CABIN1: variants seen among roughly 807,000 people sequenced by gnomAD.
CABIN1 encodes calcineurin binding protein 1, also known as calcineurin-binding protein cabin-1.
Under a neutral mutation model 227.7 loss-of-function variants are expected in CABIN1, and 133 were observed. The observed-to-expected ratio is 0.58, with a 90% CI of 0.51 to 0.67. CABIN1 has a LOEUF of 0.67. Among genes scored for constraint, CABIN1 ranks in the 30% least tolerant of loss-of-function variants. The pLI is 0.00. For synonymous variants in CABIN1, 1,086 were observed against 1,155.1 expected (o/e 0.94, Z 1.21); for missense variants, 2,408 against 2,852.5 (o/e 0.84, Z 3.55).
At position 24,063,388 on chromosome 22, in the gene CABIN1, C is replaced by T. The variant is rs140455237; in HGVS notation, c.1884+242C>T. Among the ~76,000 whole-genome samples, 6 of 152,306 alleles carry T rather than the reference C, an allele frequency of 3.9e-5. No homozygotes were observed. The East Asian group carries it at 1.2e-3, about 29-fold the overall frequency. On this transcript the variant is annotated intron_variant, in intron 14 of 36. Coordinates refer to ENST00000263119, the MANE Select transcript of CABIN1 (RefSeq NM_012295.4). Reference sequence around the variant, plus strand: ...CAATCTGTAAAGCTCTTTAGCATAACCACAGAGCTCTGGAAGGCATTTGCT... The same window carrying T: ...CAATCTGTAAAGCTCTTTAGCATAATCACAGAGCTCTGGAAGGCATTTGCT...
intron 19 of CABIN1, among the ~76,000 whole-genome samples, chr22:24,077,036 G>A (rs1045849400): frequency 6.6e-6 from 1 of 152,232 alleles, no homozygotes; most frequent in South Asian, 2.1e-4. Context: ...GCAGAGTGCA[G>A]TAGCTGTGAT....
At chr22:24,109,362 C>T (rs563945772) in intron 26 of CABIN1, among the ~76,000 whole-genome samples, 7 of 151,552 alleles carry the variant, frequency 4.6e-5, no homozygotes, top group South Asian at 4.2e-4. Flanking sequence ...GTAACTGCCA[C>T]GCCTGCCTAA....
chr22:24,054,934 C>A lies in CABIN1; in HGVS notation c.868C>A (p.Pro290Thr). 1 of 1,614,218 alleles carries A rather than the reference C, an allele frequency of 6.2e-7. No homozygotes were observed. Among genetic ancestry groups the A allele is most frequent in the Non-Finnish European group, 8.5e-7 (1 of 1,180,032 alleles). ...MYNHLTTCEP[P>T]RPSLGKRIDL... is the part of the protein sequence containing the mutation. Reference sequence around the variant, plus strand: ...CAATCATCTCACCACCTGTGAGCCCCCACGTCCCAGCCTTGGCAAAAGGAT... The same window carrying A: ...CAATCATCTCACCACCTGTGAGCCCACACGTCCCAGCCTTGGCAAAAGGAT... Residue 290 changes from proline (P) to threonine (T), a missense_variant, in exon 9 of 37, where the codon CCA (proline) becomes ACA (threonine). By Grantham distance (38) the Pro-to-Thr change is conservative (BLOSUM62 -1). This residue lies in a region of CABIN1 where 1,045 missense variants were observed against 1,168.4 expected (regional missense o/e 0.89). Coordinates refer to ENST00000263119, the MANE Select transcript of CABIN1 (RefSeq NM_012295.4).
intron 29 of CABIN1, among the ~76,000 whole-genome samples, chr22:24,138,035 A>G (rs1394136499): frequency 6.6e-6 from 1 of 152,146 alleles, no homozygotes; most frequent in Non-Finnish European, 1.5e-5. Flanking sequence ...CCTAATCCCT[A>G]TCCCTCTCAA....
intron 19 of CABIN1, among the ~76,000 whole-genome samples, chr22:24,078,757 C>T (rs1025631583): frequency 2.0e-5 from 3 of 152,150 alleles, no homozygotes; most frequent in Non-Finnish European, 4.4e-5. Context: ...TGTTGACAAT[C>T]TGCTGTATTT....
At position 24,015,406 on chromosome 22, in the gene CABIN1, G is replaced by A. The variant is rs1033515098; in HGVS notation, c.-75+4039G>A. Reference sequence around the variant, plus strand: ...TTTGCCCAGGCCTGAGTGCATTGGCGCTATCTCGGCTCACTGCAAGCTCCG... The same window carrying A: ...TTTGCCCAGGCCTGAGTGCATTGGCACTATCTCGGCTCACTGCAAGCTCCG... On this transcript the variant is annotated intron_variant, in intron 1 of 36. Coordinates refer to ENST00000263119, the MANE Select transcript of CABIN1 (RefSeq NM_012295.4). 5.0e-4 allele frequency among the ~76,000 whole-genome samples: 74 copies of A among 149,084 alleles called. 1 individual carries two copies. The highest frequency in any genetic ancestry group is 2.5e-4 in the Non-Finnish European group (17 of 67,512).
At chr22:24,156,692 C>T (rs920700667) in intron 29 of CABIN1, 3 of 152,208 alleles carry the variant, frequency 2.0e-5, no homozygotes, top group African/African-American at 4.8e-5. Flanking sequence ...AGCACCGGCC[C>T]GTTATGTGCG....
intron 10 of CABIN1, among the ~76,000 whole-genome samples, chr22:24,057,878 G>A (rs1334566254): frequency 6.6e-6 from 1 of 152,184 alleles, no homozygotes; most frequent in Admixed American, 6.5e-5. Flanking sequence ...TTGGTTGATG[G>A]TGCCAAGAGA....
chr22:24,011,522 A>G (rs1170475162), intron 1 of CABIN1, 155 bp downstream of exon 1: 2 of 152,202 alleles, frequency 1.3e-5, no homozygotes, highest in African/African-American at 4.8e-5. Context: ...CAGTCAGGGA[A>G]ACCGAGGCCG....
intron 1 of CABIN1, among the ~76,000 whole-genome samples, chr22:24,014,869 C>T (rs573867582): frequency 4.6e-4 from 70 of 152,280 alleles, no homozygotes; most frequent in Non-Finnish European, 1.9e-4. Context: ...GTGTTTCTTT[C>T]GCACAAGTGA....
chr22:24,077,657 C>T (rs2040534440), intron 19 of CABIN1, among the ~76,000 whole-genome samples: 1 of 152,190 alleles, frequency 6.6e-6, no homozygotes, highest in Non-Finnish European at 1.5e-5. Context: ...TGTAATGCTG[C>T]CCAGGACTCA....
chr22:24,114,172 C>T (rs2042959663), intron 27 of CABIN1, among the ~76,000 whole-genome samples: 1 of 152,200 alleles, frequency 6.6e-6, no homozygotes, highest in Non-Finnish European at 1.5e-5. Flanking sequence ...ATGAGGTCTT[C>T]AGGAAAAATC....
At chr22:24,127,624 G>A (rs1416283712) in intron 28 of CABIN1, among the ~76,000 whole-genome samples, 1 of 152,160 alleles carries the variant, frequency 6.6e-6, no homozygotes, top group African/African-American at 2.4e-5. Context: ...GAGGTATGAC[G>A]AGTAGCAGCC....
chr22:24,088,680 A>G (rs1193442670), intron 23 of CABIN1, among the ~76,000 whole-genome samples: 3 of 152,166 alleles, frequency 2.0e-5, no homozygotes, highest in Non-Finnish European at 4.4e-5. Context: ...TACAATATTA[A>G]GGGCAAAGCT....
intron 15 of CABIN1, among the ~76,000 whole-genome samples, chr22:24,064,511 G>GT (rs2039441243): frequency 4.3e-5 from 5 of 115,096 alleles, no homozygotes; most frequent in African/African-American, 1.7e-4. Context: ...CCAGCTGAAA[G>GT]GTTTTTTTTT....
intron 12 of CABIN1, among the ~76,000 whole-genome samples, 167 bp from the exon 13 acceptor site, chr22:24,061,780 G>T (rs1339240399): frequency 6.6e-6 from 1 of 152,214 alleles, no homozygotes; most frequent in Non-Finnish European, 1.5e-5. Flanking sequence ...CTCTTTTTAT[G>T]TTCTGGCGAG....
intron 27 of CABIN1, among the ~76,000 whole-genome samples, chr22:24,119,113 C>T (rs1355320526): frequency 6.6e-6 from 1 of 152,238 alleles, no homozygotes; most frequent in Non-Finnish European, 1.5e-5. Flanking sequence ...ATAACTTCCC[C>T]TCTCTGTAGC....
At chr22:24,054,762 G>A in intron 8 of CABIN1, 111 bp from the exon 9 acceptor site, 1 of 1,352,620 alleles carries the variant, frequency 7.4e-7, no homozygotes, top group Non-Finnish European at 1.1e-6. Flanking sequence ...CATGGACATG[G>A]CAGCTCCAGG....
chr22:24,098,383 G>A, intron 26 of CABIN1, 191 bp downstream of exon 26: 1 of 1,285,032 alleles, frequency 7.8e-7, no homozygotes, highest in Non-Finnish European at 1.1e-6. Context: ...GACATGCTCA[G>A]GGTCGCCACC....
Sources: allele counts gnomAD v4.1 joint callset (sites outside exome capture counted in the v4.1 genomes callset), GRCh38; gene constraint gnomAD v4.1.1; regional missense constraint gnomAD v4.1.1; transcripts MANE v1.5; gene names NCBI Gene and HGNC (gene_info 2026-07-23, HGNC 2026-07-21).